Variants in SUGCT observed in about 807,000 individuals in gnomAD.
SUGCT encodes succinyl-CoA:glutarate-CoA transferase, also known as succinyl-CoA:glutarate CoA-transferase.
In SUGCT, 41 loss-of-function variants were observed where a neutral mutation model predicts 55.0. That is an observed-to-expected ratio of 0.74 (90% CI 0.58 to 0.97). The LOEUF is 0.97. Among genes scored for constraint, SUGCT ranks in the 50% least tolerant of loss-of-function variants. The pLI, the probability that SUGCT is intolerant of heterozygous loss-of-function variation, is 0.00. For synonymous variants in SUGCT, 187 were observed against 200.4 expected (o/e 0.93, Z 0.56); for missense variants, 568 against 547.8 (o/e 1.04, Z -0.37).
the SUGCT span, among the ~76,000 whole-genome samples, chr7:41,031,110 A>T: frequency 0.89 from 135,977 of 152,200 alleles, 60,958 homozygotes; most frequent in African/African-American, 0.97. Flanking sequence ...CACAAATGCA[A>T]GCCACCACGC....
intron 9 of SUGCT, among the ~76,000 whole-genome samples, chr7:40,322,174 A>G (rs909131358): frequency 1.3e-5 from 2 of 152,090 alleles, no homozygotes; most frequent in African/African-American, 4.8e-5. Flanking sequence ...TTCTAACCAT[A>G]TCCTTTGATT....
chr7:40,677,567 CTCTT>C (rs1784059579), intron 12 of SUGCT, among the ~76,000 whole-genome samples: 1 of 152,210 alleles, frequency 6.6e-6, no homozygotes, highest in Non-Finnish European at 1.5e-5. Context: ...GTGATGAACT[CTCTT>C]TCTACCTGCT....
the SUGCT span, among the ~76,000 whole-genome samples, chr7:41,004,709 C>T: frequency 6.6e-6 from 1 of 152,110 alleles, no homozygotes; most frequent in Non-Finnish European, 1.5e-5. Context: ...AAACATGTAC[C>T]CAGTGTTTTG....
intron 12 of SUGCT, among the ~76,000 whole-genome samples, chr7:40,577,201 G>T (rs966338466): frequency 1.3e-5 from 2 of 152,164 alleles, no homozygotes; most frequent in African/African-American, 4.8e-5. Context: ...CACTTGCAAG[G>T]ATGTTAATAC....
At chr7:40,382,409 T>A (rs1784916592) in intron 9 of SUGCT, among the ~76,000 whole-genome samples, 1 of 152,152 alleles carries the variant, frequency 6.6e-6, no homozygotes, top group Non-Finnish European at 1.5e-5. Context: ...GTCTCAGGAT[T>A]TGGCACTTCC....
At chr7:40,624,155 C>A (rs1252370895) in intron 12 of SUGCT, among the ~76,000 whole-genome samples, 1 of 152,152 alleles carries the variant, frequency 6.6e-6, no homozygotes, top group Non-Finnish European at 1.5e-5. Flanking sequence ...TGGCACTTCC[C>A]TCCATCTCCT....
At chr7:40,910,209 A>G in the SUGCT span, among the ~76,000 whole-genome samples, 1 of 151,930 alleles carries the variant, frequency 6.6e-6, no homozygotes, top group Non-Finnish European at 1.5e-5. Context: ...AGTTGGAGAC[A>G]GGAAGCAATG....
intron 9 of SUGCT, among the ~76,000 whole-genome samples, chr7:40,348,665 A>G (rs567467529): frequency 7.9e-5 from 12 of 152,098 alleles, no homozygotes; most frequent in East Asian, 3.9e-4. Context: ...TCATCCTTTC[A>G]TATTTATTAT....
chr7:40,430,620 C>T (rs12701821), intron 9 of SUGCT, among the ~76,000 whole-genome samples: 14,893 of 152,108 alleles, frequency 0.098, 889 homozygotes, highest in Non-Finnish European at 0.15. Flanking sequence ...AGTTGCTGGT[C>T]TGTTTTGTTT....
At chr7:40,192,782 C>T (rs1042880768) in intron 5 of SUGCT, among the ~76,000 whole-genome samples, 3 of 151,696 alleles carry the variant, frequency 2.0e-5, no homozygotes, top group African/African-American at 7.3e-5. Flanking sequence ...CAGGTGCCCA[C>T]CACCATGCCT....
intron 9 of SUGCT, among the ~76,000 whole-genome samples, chr7:40,394,362 G>A (rs1785604226): frequency 6.6e-6 from 1 of 152,060 alleles, no homozygotes; most frequent in Admixed American, 6.6e-5. Flanking sequence ...GGTCTATACA[G>A]TCCCTGTTGC....
rs928397687 is a variant in SUGCT, at chr7:40,195,708, CT to C, written c.484+672del. On this transcript the variant is annotated intron_variant, in intron 6 of 13. Transcript: ENST00000335693. ...GGTGAATTTACAGTTGAAAACAATT[CT>C]TTTTTTTTTTTTTTTTTTTTTTTGA... Among the ~76,000 whole-genome samples the C allele has an allele frequency of 6.2e-4, 43 of 69,414 alleles. No individual in the cohort carries two copies. In the South Asian group the frequency reaches 7.7e-3, roughly 12 times the overall value. The allele number at this position is 69,414 out of a possible 152,430, so 45.5% of individuals were successfully genotyped here. A position where few individuals can be genotyped will look rare whatever the true frequency, so the allele number is the denominator to read the frequency against.
intron 12 of SUGCT, among the ~76,000 whole-genome samples, chr7:40,548,853 C>T (rs1289875069): frequency 2.6e-5 from 4 of 152,170 alleles, no homozygotes; most frequent in South Asian, 2.1e-4. Flanking sequence ...TTCCTATCTT[C>T]GGACACCCAA....
intron 1 of SUGCT, among the ~76,000 whole-genome samples, chr7:40,144,896 G>A (rs987176828): frequency 1.3e-5 from 2 of 152,072 alleles, no homozygotes; most frequent in Admixed American, 6.6e-5. Context: ...TGTGCTATTA[G>A]TGATAAACTT....
intron 11 of SUGCT, among the ~76,000 whole-genome samples, chr7:40,484,656 T>A (rs13438716): frequency 0.029 from 4,436 of 152,228 alleles, 213 homozygotes; most frequent in African/African-American, 0.1. Context: ...GTTTCCTAAA[T>A]CATGAAGATC....
At chr7:40,529,607 G>A (rs1793980669) in intron 12 of SUGCT, among the ~76,000 whole-genome samples, 1 of 152,210 alleles carries the variant, frequency 6.6e-6, no homozygotes, top group East Asian at 1.9e-4. Context: ...GGAACTAGAT[G>A]TTCCTTTTCA....
chr7:40,981,195 G>A, the SUGCT span, among the ~76,000 whole-genome samples: 1 of 152,182 alleles, frequency 6.6e-6, no homozygotes, highest in Non-Finnish European at 1.5e-5. Context: ...CTCTGGACCA[G>A]TGATAGGATT....
the SUGCT span, among the ~76,000 whole-genome samples, chr7:40,947,996 C>T: frequency 7.9e-5 from 12 of 152,114 alleles, no homozygotes; most frequent in Non-Finnish European, 1.5e-4. Flanking sequence ...CTCCTTTAGC[C>T]GATGAAGCCT....
intron 9 of SUGCT, among the ~76,000 whole-genome samples, chr7:40,338,886 C>A (rs1211221750): frequency 6.6e-6 from 1 of 151,986 alleles, no homozygotes; most frequent in East Asian, 1.9e-4. Context: ...TTTTATCTAC[C>A]TTTGGTCTTT....
Sources: gnomAD v4.1 joint callset for allele counts (sites outside exome capture counted in the v4.1 genomes callset) on GRCh38, gnomAD v4.1.1 for gene constraint, MANE v1.5 for transcripts, NCBI Gene and HGNC (gene_info 2026-07-23, HGNC 2026-07-21) for gene names.